Variants in PPP2R2D observed in about 807,000 individuals in gnomAD.
PPP2R2D encodes protein phosphatase 2 regulatory subunit Bdelta.
Under a neutral mutation model 31.1 loss-of-function variants are expected in PPP2R2D, and 9 were observed. That is an observed-to-expected ratio of 0.29 (90% CI 0.17 to 0.51). The LOEUF (loss-of-function observed/expected upper bound fraction) is 0.51. Among genes scored for constraint, PPP2R2D ranks in the 20% least tolerant of loss-of-function variants. The pLI, the probability that PPP2R2D is intolerant of heterozygous loss-of-function variation, is 0.98. For synonymous variants in PPP2R2D, 179 were observed against 172.6 expected, an observed-to-expected ratio of 1.04 and a Z score of -0.29; for missense variants, 391 against 465.6, an observed-to-expected ratio of 0.84 and a Z score of 1.48.
At chr10:131,968,455 T>TC in the PPP2R2D span, 1 of 1,307,672 alleles carries the variant, frequency 7.6e-7, no homozygotes, top group Non-Finnish European at 1.1e-6. Context: ...ATCTAACAGC[T>TC]CTTCAGTGAG....
intron 2 of PPP2R2D, among the ~76,000 whole-genome samples, chr10:131,902,284 AC>A (rs1466086620): frequency 6.6e-6 from 1 of 152,190 alleles, no homozygotes; most frequent in Non-Finnish European, 1.5e-5. Context: ...TGGTGTTTGC[AC>A]CAAATACACC....
At chr10:131,944,897 T>C (rs2036506847) in intron 6 of PPP2R2D, among the ~76,000 whole-genome samples, 1 of 152,198 alleles carries the variant, frequency 6.6e-6, no homozygotes, top group Non-Finnish European at 1.5e-5. Context: ...GCAGCATCTT[T>C]TGGAATTTGG....
intron 2 of PPP2R2D, 134 bp downstream of exon 2, chr10:131,901,464 G>C (rs2035494005): frequency 3.1e-6 from 1 of 322,158 alleles, no homozygotes; most frequent in African/African-American, 2.2e-5. Flanking sequence ...GGGGCCAGGG[G>C]CCGAGCTGGG....
intron 6 of PPP2R2D, 77 bp downstream of exon 6, chr10:131,944,222 A>C: frequency 5.0e-6 from 6 of 1,202,576 alleles, no homozygotes; most frequent in African/African-American, 1.6e-5. Flanking sequence ...CCCTTTATAC[A>C]CCTGTATCTC....
At chr10:131,901,443 C>T (rs2035492795) in intron 2 of PPP2R2D, 113 bp downstream of exon 2, 1 of 323,848 alleles carries the variant, frequency 3.1e-6, no homozygotes, top group Non-Finnish European at 5.6e-6. Flanking sequence ...GGATGGGGGC[C>T]GGGCGGGGCA....
chr10:131,932,646 CAAAAAA>C (rs368610703), intron 2 of PPP2R2D, among the ~76,000 whole-genome samples: 16 of 57,860 alleles, frequency 2.8e-4, no homozygotes, highest in South Asian at 9.0e-4. Context: ...CAGCCTGTCT[CAAAAAA>C]AAAAAAAAAA....
At chr10:131,903,600 T>G (rs1297862022) in intron 2 of PPP2R2D, among the ~76,000 whole-genome samples, 1 of 152,178 alleles carries the variant, frequency 6.6e-6, no homozygotes, top group Non-Finnish European at 1.5e-5. Context: ...GTATTTCGAG[T>G]TGTCGTGGTT....
chr10:131,907,461 C>A (rs1397008072), intron 2 of PPP2R2D, among the ~76,000 whole-genome samples: 3 of 152,108 alleles, frequency 2.0e-5, no homozygotes, highest in Admixed American at 2.0e-4. Flanking sequence ...CACAGACTCG[C>A]CGGGCGCAGT....
At chr10:131,964,947 G>T in the PPP2R2D span, among the ~76,000 whole-genome samples, 5 of 151,886 alleles carry the variant, frequency 3.3e-5, no homozygotes, top group African/African-American at 1.2e-4. Flanking sequence ...TTCCACCCCG[G>T]GGTAACCAAT....
At chr10:131,906,601 A>G (rs1485356026) in intron 2 of PPP2R2D, among the ~76,000 whole-genome samples, 1 of 152,138 alleles carries the variant, frequency 6.6e-6, no homozygotes, top group Non-Finnish European at 1.5e-5. Flanking sequence ...CTGTAGCATC[A>G]GCACCAGAAA....
At chr10:131,955,580 G>A (rs1462489675) in intron 8 of PPP2R2D, 104 bp from the exon 9 acceptor site, 7 of 1,006,862 alleles carry the variant, frequency 7.0e-6, no homozygotes, top group African/African-American at 3.3e-5. Context: ...TAACTGGGTT[G>A]TGGGGGAGGG....
At chr10:131,965,972 T>C in the PPP2R2D span, among the ~76,000 whole-genome samples, 1 of 152,232 alleles carries the variant, frequency 6.6e-6, no homozygotes, top group Non-Finnish European at 1.5e-5. Context: ...GCACCTCGGT[T>C]GCTTCATATA....
intron 8 of PPP2R2D, among the ~76,000 whole-genome samples, chr10:131,949,553 A>G (rs2036602879): frequency 6.6e-6 from 1 of 152,230 alleles, no homozygotes; most frequent in Admixed American, 6.5e-5. Flanking sequence ...GCAGAACCAC[A>G]GCAGAACTGA....
At chr10:131,918,402 A>T (rs1372724128) in intron 2 of PPP2R2D, among the ~76,000 whole-genome samples, 2 of 60,544 alleles carry the variant, frequency 3.3e-5, no homozygotes, top group South Asian at 5.7e-4. Context: ...GAATGACACA[A>T]TGTAGGGATC....
Position 131,956,760 on chromosome 10 carries a change from C to G in PPP2R2D, c.*797C>G, listed in dbSNP as rs1219291913. The G allele has an allele frequency of 9.6e-6, 2 of 209,222 alleles. No individual in the cohort carries two copies. The highest frequency in any genetic ancestry group is 1.3e-4 in the Admixed American group (2 of 15,326). 13.0% of individuals were successfully genotyped at this position (209,222 alleles called of 1,614,324 possible). A position where few individuals can be genotyped will look rare whatever the true frequency, so the allele number is the denominator to read the frequency against. Reference sequence around the variant, plus strand: ...GGTAAGGTCTGGGAAAAGCCAGAACCGAGGCCACCTCTGAGAAAGAAAATT... The same window carrying G: ...GGTAAGGTCTGGGAAAAGCCAGAACGGAGGCCACCTCTGAGAAAGAAAATT... On this transcript the variant is annotated 3_prime_UTR_variant, in exon 9 of 9. Coordinates refer to ENST00000455566, the MANE Select transcript of PPP2R2D (RefSeq NM_018461.5).
downstream of PPP2R2D, among the ~76,000 whole-genome samples, chr10:131,960,550 C>T (rs1318305199): frequency 6.6e-6 from 1 of 152,164 alleles, no homozygotes; most frequent in African/African-American, 2.4e-5. Context: ...GTCTGTCTGT[C>T]CTGTGTGGAG....
Position 131,955,670 on chromosome 10 carries a change from CTT to C in PPP2R2D, c.1083-13_1083-12del, listed in dbSNP as rs2036779507. ...CCACTGAGGAGTGCTGCTGTCTGCT[CTT>C]GTTTTGAACAGCGCCATCATGACCG... On this transcript the variant is annotated splice_polypyrimidine_tract_variant and intron_variant, in intron 8 of 8. Coordinates refer to ENST00000455566, the MANE Select transcript of PPP2R2D (RefSeq NM_018461.5). 1 of 1,413,506 alleles carries C rather than the reference CTT, an allele frequency of 7.1e-7. No individual in the cohort carries two copies. Among genetic ancestry groups the C allele is most frequent in the Admixed American group, 2.5e-5 (1 of 39,452 alleles). 87.6% of individuals were successfully genotyped at this position (1,413,506 alleles called of 1,614,324 possible).
the PPP2R2D span, chr10:131,971,101 C>T: frequency 1.2e-6 from 1 of 839,556 alleles, no homozygotes; most frequent in African/African-American, 1.7e-5. Flanking sequence ...GTGCCTCGGA[C>T]CGTGGTCCAA....
chr10:131,941,264 G>A (rs930144119), intron 5 of PPP2R2D, among the ~76,000 whole-genome samples: 9 of 152,184 alleles, frequency 5.9e-5, no homozygotes, highest in Non-Finnish European at 1.0e-4. Context: ...CATCAATTCT[G>A]ATGCCTAAAT....
Sources: allele counts gnomAD v4.1 joint callset (sites outside exome capture counted in the v4.1 genomes callset), GRCh38; gene constraint gnomAD v4.1.1; transcripts MANE v1.5; gene names NCBI Gene and HGNC (gene_info 2026-07-23, HGNC 2026-07-21).